Variants in HMGA2 observed in about 807,000 individuals in gnomAD.
HMGA2 encodes the protein high mobility group AT-hook 2, also known as high mobility group protein HMGI-C.
HMGA2 carries 8 observed loss-of-function variants against 19.1 expected under a neutral mutation model. The observed-to-expected ratio is 0.42, with a 90% CI of 0.25 to 0.76. HMGA2 has a LOEUF of 0.76. Ranked by LOEUF, HMGA2 falls within the 30% of genes least tolerant of loss-of-function variation. The pLI, the probability that HMGA2 is intolerant of heterozygous loss-of-function variation, is 0.28. For missense variants in HMGA2, 109 were observed against 136.3 expected, an observed-to-expected ratio of 0.80 and a Z score of 1.00; for synonymous variants, 60 against 48.8, an observed-to-expected ratio of 1.23 and a Z score of -0.96.
intron 3 of HMGA2, among the ~76,000 whole-genome samples, chr12:65,919,240 C>A (rs1875217313): frequency 1.3e-5 from 2 of 152,322 alleles, no homozygotes; most frequent in South Asian, 4.1e-4. Context: ...CTTTATTACT[C>A]ACCCTAACAT....
chr12:65,923,267 A>G (rs1164485125), intron 3 of HMGA2, among the ~76,000 whole-genome samples: 1 of 152,212 alleles, frequency 6.6e-6, no homozygotes, highest in African/African-American at 2.4e-5. Context: ...AAGACCCCTC[A>G]AGAAATAAAA....
chr12:65,947,881 C>A (rs1236375495), intron 3 of HMGA2, among the ~76,000 whole-genome samples: 1 of 152,208 alleles, frequency 6.6e-6, no homozygotes, highest in Non-Finnish European at 1.5e-5. Flanking sequence ...TTTTCATCAG[C>A]AACCTGGAGG....
chr12:65,830,930 A>G (rs185270126), intron 2 of HMGA2: 10 of 151,994 alleles, frequency 6.6e-5, no homozygotes, highest in African/African-American at 1.9e-4. Flanking sequence ...ACTAATTACT[A>G]TGCATGACCA....
chr12:65,830,009 CT>C (rs1296134860), intron 2 of HMGA2, among the ~76,000 whole-genome samples: 2 of 152,050 alleles, frequency 1.3e-5, no homozygotes, highest in Non-Finnish European at 1.5e-5. Context: ...AGTAGGCTTT[CT>C]TTTTTCTAAA....
chr12:65,903,672 G>A (rs1053860373), intron 3 of HMGA2, among the ~76,000 whole-genome samples: 7 of 152,246 alleles, frequency 4.6e-5, no homozygotes, highest in Admixed American at 6.5e-5. Flanking sequence ...TCTGACAGGC[G>A]TGTCAAACAC....
intron 3 of HMGA2, among the ~76,000 whole-genome samples, chr12:65,944,784 G>A (rs1832420687): frequency 6.6e-6 from 1 of 152,148 alleles, no homozygotes; most frequent in Non-Finnish European, 1.5e-5. Context: ...GTCACACGGG[G>A]TGAATGCTAT....
chr12:65,917,539 A>G (rs1226723428), intron 3 of HMGA2, among the ~76,000 whole-genome samples: 1 of 152,238 alleles, frequency 6.6e-6, no homozygotes, highest in East Asian at 1.9e-4. Context: ...GTAAGCAGAT[A>G]TAGAAACATG....
intron 3 of HMGA2, among the ~76,000 whole-genome samples, chr12:65,901,967 G>C (rs1308019514): frequency 6.6e-6 from 1 of 152,130 alleles, no homozygotes; most frequent in African/African-American, 2.4e-5. Flanking sequence ...GAGAACCATA[G>C]GAATGTTTTT....
intron 3 of HMGA2, among the ~76,000 whole-genome samples, chr12:65,938,571 C>T (rs1430145287): frequency 6.6e-6 from 1 of 152,172 alleles, no homozygotes; most frequent in Non-Finnish European, 1.5e-5. Flanking sequence ...AAGTAACTCT[C>T]TCATGCTAAC....
At position 65,825,360 on chromosome 12, in the gene HMGA2, C is replaced by T; in HGVS notation, c.90C>T (p.Gly30=). The T allele has an allele frequency of 6.5e-7, 1 of 1,533,778 alleles. No homozygotes were observed. The highest frequency in any genetic ancestry group is 8.7e-7 in the Non-Finnish European group (1 of 1,144,062). ...CAGCGCCTCAGAAGAGAGGACGCGG[C>T]CGCCCCAGGAAGCAGCAGCAAGTCA... ...AAPAPQKRGR[G]RPRKQQQEPT... The change falls in exon 1 of 5, where the codon GGC becomes GGT. Residue 30 remains glycine, a synonymous_variant. Transcript: ENST00000403681. This position sits in a 1 kb window ranked among gnomAD's most constrained non-coding sequence, Gnocchi z 4.4.
chr12:65,892,123 G>T (rs1249668900), intron 3 of HMGA2, among the ~76,000 whole-genome samples: 1 of 152,180 alleles, frequency 6.6e-6, no homozygotes, highest in African/African-American at 2.4e-5. Context: ...GAGGCTGCTG[G>T]CAAAAACCTA....
intron 3 of HMGA2, among the ~76,000 whole-genome samples, chr12:65,852,965 A>T (rs1367628480): frequency 6.6e-6 from 1 of 152,216 alleles, no homozygotes; most frequent in African/African-American, 2.4e-5. Context: ...TGGACAAAAC[A>T]TATCTAAATG....
chr12:65,835,688 C>G (rs538937585), intron 2 of HMGA2, among the ~76,000 whole-genome samples: 2 of 152,108 alleles, frequency 1.3e-5, no homozygotes, highest in Admixed American at 1.3e-4. Context: ...TTTTGAAATA[C>G]AGTGAAACTC....
At chr12:65,915,613 C>T in intron 3 of HMGA2, 1 of 953,554 alleles carries the variant, frequency 1.0e-6, no homozygotes, top group Non-Finnish European at 1.3e-6. Flanking sequence ...GTCTTTTATC[C>T]TCTGTGCAGT....
chr12:65,958,820 G>A (rs1284826883), intron 4 of HMGA2: 4 of 151,660 alleles, frequency 2.6e-5, no homozygotes, highest in African/African-American at 9.7e-5. Context: ...GCAACATCAT[G>A]TAATAGAAGA....
At chr12:65,925,197 A>C (rs1875464444) in intron 3 of HMGA2, among the ~76,000 whole-genome samples, 2 of 152,314 alleles carry the variant, frequency 1.3e-5, no homozygotes, top group Admixed American at 1.3e-4. Context: ...TTCTAAAGTA[A>C]AGATGCTACA....
chr12:65,840,449 G>A (rs560098258), intron 3 of HMGA2, among the ~76,000 whole-genome samples: 69 of 152,244 alleles, frequency 4.5e-4, no homozygotes, highest in Non-Finnish European at 8.1e-4. Context: ...AATCTGGGCG[G>A]ATCTGGGAGT....
At chr12:65,882,859 C>A (rs187154202) in intron 3 of HMGA2, among the ~76,000 whole-genome samples, 1 of 152,124 alleles carries the variant, frequency 6.6e-6, no homozygotes, top group African/African-American at 2.4e-5. Context: ...TTTTTTAAAA[C>A]AAGGCTGCTT....
intron 3 of HMGA2, among the ~76,000 whole-genome samples, chr12:65,888,746 G>C (rs1353348890): frequency 6.6e-6 from 1 of 151,156 alleles, no homozygotes; most frequent in Non-Finnish European, 1.5e-5. Flanking sequence ...TGTATTTTTA[G>C]TAGAGACGGG....
Sources: allele counts gnomAD v4.1 joint callset (sites outside exome capture counted in the v4.1 genomes callset), GRCh38; gene constraint gnomAD v4.1.1; non-coding constraint Gnocchi (gnomAD v3.1); transcripts MANE v1.5; gene names NCBI Gene and HGNC (gene_info 2026-07-23, HGNC 2026-07-21).